Variants in FHIT observed in about 807,000 individuals in gnomAD.
The protein encoded by FHIT is bis(5'-adenosyl)-triphosphatase.
A neutral mutation model predicts 17.9 loss-of-function variants in FHIT; 19 were observed. That is an observed-to-expected ratio of 1.06 (90% CI 0.74 to 1.56). The LOEUF (loss-of-function observed/expected upper bound fraction) is 1.56. Among genes scored for constraint, FHIT ranks in the 40% most tolerant of loss-of-function variants. FHIT has a pLI of 0.00. For missense variants in FHIT, 248 were observed against 189.2 expected (o/e 1.31, Z -1.82); for synonymous variants, 81 against 69.7 (o/e 1.16, Z -0.81).
rs138051258 is a variant in FHIT at position 60,390,429 on chromosome 3, C to CAAA, written c.103+146430_103+146431insTTT. Among the ~76,000 whole-genome samples the CAAA allele has an allele frequency of 9.8e-4, 11 of 11,248 alleles. 2 individuals are homozygous for CAAA. Among genetic ancestry groups the CAAA allele is most frequent in the South Asian group, 0.016 (2 of 126 alleles). The allele number at this position is 11,248 out of a possible 152,430, so 7.4% of individuals were successfully genotyped here. A position where few individuals can be genotyped will look rare whatever the true frequency, so the allele number is the denominator to read the frequency against. ...AAAAAAAAAAAAAAAAAAAAAAAAA[C>CAAA]CCGTACCCTCTAGTATTTATTACAA... is the stretch of plus-strand genomic sequence containing the variant. On this transcript the variant is annotated intron_variant, in intron 5 of 9. Coordinates refer to ENST00000492590, the MANE Select transcript of FHIT (RefSeq NM_002012.4).
intron 5 of FHIT, among the ~76,000 whole-genome samples, chr3:60,335,878 T>C (rs1710213506): frequency 6.6e-6 from 1 of 151,260 alleles, no homozygotes; most frequent in Admixed American, 6.6e-5. Flanking sequence ...AAGTTACCAC[T>C]AAGAAAAATT....
intron 5 of FHIT, among the ~76,000 whole-genome samples, chr3:60,507,202 A>G (rs894907972): frequency 1.3e-5 from 2 of 152,194 alleles, no homozygotes; most frequent in Non-Finnish European, 2.9e-5. Context: ...GCATTGGTAG[A>G]ATGAACAGGA....
chr3:60,858,744 G>C (rs141877735), intron 3 of FHIT, among the ~76,000 whole-genome samples: 5,555 of 152,242 alleles, frequency 0.036, 130 homozygotes, highest in Middle Eastern at 0.065. Context: ...TTCACTTCAA[G>C]AAGGTCCCAG....
At chr3:60,405,104 A>C (rs1259912500) in intron 5 of FHIT, among the ~76,000 whole-genome samples, 2 of 152,214 alleles carry the variant, frequency 1.3e-5, no homozygotes, top group African/African-American at 4.8e-5. Context: ...GGTAGGTACC[A>C]GGTGGAACCC....
chr3:59,938,287 T>C (rs1706341419), intron 7 of FHIT, among the ~76,000 whole-genome samples: 1 of 152,058 alleles, frequency 6.6e-6, no homozygotes, highest in African/African-American at 2.4e-5. Context: ...CTAAGTGAAA[T>C]AAACCAGACA....
At chr3:60,719,868 A>C (rs1430977283) in intron 4 of FHIT, among the ~76,000 whole-genome samples, 1 of 152,134 alleles carries the variant, frequency 6.6e-6, no homozygotes, top group Non-Finnish European at 1.5e-5. Flanking sequence ...TCATTACCTT[A>C]GTCCAAGCTG....
At chr3:61,047,124 T>C (rs1197241610) in intron 2 of FHIT, among the ~76,000 whole-genome samples, 1 of 152,220 alleles carries the variant, frequency 6.6e-6, no homozygotes, top group Non-Finnish European at 1.5e-5. Flanking sequence ...TTGGAAGTTC[T>C]GGCCAGGGCA....
chr3:60,325,170 C>A (rs141174092), intron 5 of FHIT, among the ~76,000 whole-genome samples: 7 of 151,864 alleles, frequency 4.6e-5, no homozygotes, highest in South Asian at 2.1e-4. Flanking sequence ...GAAAAACATA[C>A]CCTGGAAATG....
intron 3 of FHIT, among the ~76,000 whole-genome samples, chr3:60,956,321 T>C (rs376764313): frequency 6.6e-6 from 1 of 152,168 alleles, no homozygotes; most frequent in Non-Finnish European, 1.5e-5. Flanking sequence ...GCACATAGGA[T>C]AGCAAGTACA....
At chr3:61,062,255 A>G (rs1361588371) in intron 2 of FHIT, among the ~76,000 whole-genome samples, 1 of 152,162 alleles carries the variant, frequency 6.6e-6, no homozygotes, top group African/African-American at 2.4e-5. Flanking sequence ...TTATTATCCT[A>G]ACCAACTGAT....
At chr3:60,077,487 G>C (rs1010038348) in intron 5 of FHIT, 5 of 151,750 alleles carry the variant, frequency 3.3e-5, no homozygotes, top group African/African-American at 4.8e-5. Context: ...GGAACAAGAT[G>C]AGATTAGAAT....
intron 4 of FHIT, among the ~76,000 whole-genome samples, chr3:60,637,360 A>G (rs984825008): frequency 6.6e-6 from 1 of 152,188 alleles, no homozygotes; most frequent in Admixed American, 6.6e-5. Context: ...CCCCTTAAAG[A>G]TAAGGGCTAT....
intron 8 of FHIT, among the ~76,000 whole-genome samples, chr3:59,795,271 C>T (rs1575507171): frequency 6.6e-6 from 1 of 152,004 alleles, no homozygotes; most frequent in Non-Finnish European, 1.5e-5. Context: ...GTAGTCCCAG[C>T]TACTAGGGAG....
At position 60,330,767 on chromosome 3, in the gene FHIT, CA is replaced by C. The variant is rs978605834; in HGVS notation, c.103+206092del. ...TTTGGTTGTCTACAGAACGGGATTG[CA>C]AAATCTGATTTACACGTGTTACAAT... On this transcript the variant is annotated intron_variant, in intron 5 of 9. Transcript: ENST00000492590. 1.1e-4 allele frequency among the ~76,000 whole-genome samples: 16 copies of C among 152,268 alleles called. No individual in the cohort carries two copies. In the East Asian group the frequency reaches 1.2e-3, roughly 11 times the overall value.
intron 5 of FHIT, among the ~76,000 whole-genome samples, chr3:60,138,166 G>C (rs1699891255): frequency 6.6e-6 from 1 of 152,134 alleles, no homozygotes; most frequent in Non-Finnish European, 1.5e-5. Flanking sequence ...ATGGCTCTAT[G>C]GAAGTTCTAT....
At chr3:61,177,217 CACTGAATCATTTT>C (rs963194578) in intron 2 of FHIT, among the ~76,000 whole-genome samples, 2 of 151,154 alleles carry the variant, frequency 1.3e-5, no homozygotes, top group African/African-American at 2.4e-5. Flanking sequence ...CAAATCATTT[CACTGAATCATTTT>C]GAAATAAATA....
intron 5 of FHIT, among the ~76,000 whole-genome samples, chr3:60,286,066 C>T (rs1231837188): frequency 6.6e-6 from 1 of 152,120 alleles, no homozygotes; most frequent in East Asian, 1.9e-4. Context: ...CACACACCAA[C>T]ATGCATGAGG....
chr3:61,013,167 AAAAG>A (rs1417453430), intron 3 of FHIT, among the ~76,000 whole-genome samples: 5 of 152,140 alleles, frequency 3.3e-5, no homozygotes, highest in Non-Finnish European at 7.4e-5. Context: ...AGGGAGCAAA[AAAAG>A]AAAGAAGAAA....
intron 3 of FHIT, among the ~76,000 whole-genome samples, chr3:60,953,435 A>G (rs1324472437): frequency 1.4e-5 from 2 of 141,802 alleles, no homozygotes; most frequent in Non-Finnish European, 3.1e-5. Flanking sequence ...ATTCCAAACT[A>G]TCCTACTTAA....
Sources: allele counts gnomAD v4.1 joint callset (sites outside exome capture counted in the v4.1 genomes callset), GRCh38; gene constraint gnomAD v4.1.1; transcripts MANE v1.5; gene names NCBI Gene and HGNC (gene_info 2026-07-23, HGNC 2026-07-21).